CELF2: variants seen among roughly 807,000 people sequenced by gnomAD.
CELF2 encodes CUG triplet repeat RNA-binding protein 2.
CELF2 carries 8 observed loss-of-function variants against 62.6 expected under a neutral mutation model. The ratio of observed to expected loss-of-function variants is 0.13; its 90% CI spans 0.07 to 0.23. The LOEUF (loss-of-function observed/expected upper bound fraction) is 0.23, where lower values mean the gene tolerates loss of function less well. Among genes scored for constraint, CELF2 ranks in the 10% least tolerant of loss-of-function variants. CELF2 has a pLI of 1.00. For missense variants in CELF2, 333 were observed against 671.0 expected, an observed-to-expected ratio of 0.50 and a Z score of 5.56; for synonymous variants, 258 against 250.0, an observed-to-expected ratio of 1.03 and a Z score of -0.30.
the CELF2 span, among the ~76,000 whole-genome samples, chr10:10,504,032 CCT>C: frequency 3.1e-4 from 47 of 152,114 alleles, 1 homozygote; most frequent in South Asian, 8.3e-3. Context: ...TTACAACACC[CCT>C]GTTTATAATG....
chr10:10,951,428 C>T (rs1034406006), intron 2 of CELF2, among the ~76,000 whole-genome samples: 9 of 152,196 alleles, frequency 5.9e-5, no homozygotes, highest in African/African-American at 2.2e-4. Context: ...TGAGTTACTA[C>T]ACCTGGCCCT....
intron 3 of CELF2, among the ~76,000 whole-genome samples, chr10:11,226,094 C>A (rs969335609): frequency 6.6e-6 from 1 of 152,192 alleles, no homozygotes; most frequent in African/African-American, 2.4e-5. Flanking sequence ...GCTTAAGAGG[C>A]CAGCACAGCA....
At chr10:11,299,565 C>T (rs903338802) in intron 9 of CELF2, among the ~76,000 whole-genome samples, 1 of 152,176 alleles carries the variant, frequency 6.6e-6, no homozygotes, top group Non-Finnish European at 1.5e-5. Context: ...TTCAGAGGCC[C>T]GAGCCCGGTC....
At chr10:11,181,677 T>C (rs900787228) in intron 2 of CELF2, among the ~76,000 whole-genome samples, 23 of 152,252 alleles carry the variant, frequency 1.5e-4, no homozygotes, top group Non-Finnish European at 4.4e-5. Context: ...CACAGTACTT[T>C]GTGCCATTCT....
At chr10:10,894,652 A>G (rs2133973970) in intron 1 of CELF2, among the ~76,000 whole-genome samples, 1 of 149,348 alleles carries the variant, frequency 6.7e-6, no homozygotes, top group East Asian at 2.0e-4. Flanking sequence ...AGGATCCACT[A>G]TGATTGACTA....
the CELF2 span, among the ~76,000 whole-genome samples, chr10:10,783,071 A>G: frequency 1.3e-5 from 2 of 152,168 alleles, no homozygotes; most frequent in African/African-American, 2.4e-5. Flanking sequence ...TTTCAGAAAC[A>G]TTAAGAAATT....
chr10:11,187,077 A>G (rs929455042), intron 2 of CELF2, among the ~76,000 whole-genome samples: 14 of 152,328 alleles, frequency 9.2e-5, no homozygotes, highest in African/African-American at 3.1e-4. Context: ...GTGTTCTGCA[A>G]ATCTTCAGTA....
the CELF2 span, among the ~76,000 whole-genome samples, chr10:10,720,172 G>A: frequency 6.6e-6 from 1 of 152,188 alleles, no homozygotes; most frequent in African/African-American, 2.4e-5. Flanking sequence ...AGGACTTACG[G>A]CAGGCAACTC....
Position 11,010,740 on chromosome 10 carries a change from C to T in CELF2, c.53+5300C>T, listed in dbSNP as rs2056318915. ...TTTAAAGACATTTCTTTCTCTGGTG[C>T]TGTGGTTCCACTGTAGACGTTGATT... On this transcript the variant is annotated intron_variant, in intron 1 of 12. Transcript: ENST00000416382. The surrounding 1 kb of genome is among the most constrained non-coding windows in gnomAD (Gnocchi z 4.1). Among the ~76,000 whole-genome samples, 1 of 152,210 alleles carries T rather than the reference C, an allele frequency of 6.6e-6. No individual in the cohort carries two copies. Among genetic ancestry groups the T allele is most frequent in the African/African-American group, 2.4e-5 (1 of 41,438 alleles).
chr10:10,505,690 A>G, the CELF2 span, among the ~76,000 whole-genome samples: 1 of 152,220 alleles, frequency 6.6e-6, no homozygotes, highest in African/African-American at 2.4e-5. Flanking sequence ...CTCTGCTACT[A>G]TGAGTATGAC....
intron 2 of CELF2, among the ~76,000 whole-genome samples, chr10:11,188,440 G>A (rs566049907): frequency 3.3e-5 from 5 of 152,228 alleles, no homozygotes; most frequent in Admixed American, 3.3e-4. Context: ...ATTTCTAGGT[G>A]GACAGGATTT....
At chr10:10,646,898 A>G in the CELF2 span, among the ~76,000 whole-genome samples, 6 of 152,318 alleles carry the variant, frequency 3.9e-5, no homozygotes, top group Middle Eastern at 3.4e-3. Context: ...CCCCACGCTA[A>G]TGATCTCTCC....
intron 1 of CELF2, among the ~76,000 whole-genome samples, chr10:10,823,584 A>AT (rs2057145726): frequency 4.6e-5 from 1 of 21,908 alleles, no homozygotes. Context: ...TCTTATGCAC[A>AT]AAAAAAAATA....
chr10:10,778,218 C>T, the CELF2 span, among the ~76,000 whole-genome samples: 1 of 152,160 alleles, frequency 6.6e-6, no homozygotes, highest in Admixed American at 6.5e-5. Context: ...AGGGATCTTA[C>T]GCAGATTCAA....
chr10:10,716,882 C>A, the CELF2 span, among the ~76,000 whole-genome samples: 1 of 152,144 alleles, frequency 6.6e-6, no homozygotes, highest in Non-Finnish European at 1.5e-5. Flanking sequence ...TTTCATGACC[C>A]AGATGCTTTA....
At position 11,156,307 on chromosome 10, in the gene CELF2, T is replaced by C. The variant is rs949452340; in HGVS notation, c.75-9179T>C. Among the ~76,000 whole-genome samples the C allele has an allele frequency of 6.6e-6, 1 of 152,212 alleles. No individual in the cohort carries two copies. The highest frequency in any genetic ancestry group is 1.5e-5 in the Non-Finnish European group (1 of 68,034). On this transcript the variant is annotated intron_variant, in intron 1 of 12. Coordinates refer to ENST00000633077, the MANE Select transcript of CELF2 (RefSeq NM_001326342.2). The surrounding 1 kb of genome is among the most constrained non-coding windows in gnomAD (Gnocchi z 4.3). ...TAGTGGCGACAGATCACATGACGTGTGATTTAATTTTACTGCTTTGAAGAC... is the reference window on the plus strand; with the variant it reads ...TAGTGGCGACAGATCACATGACGTGCGATTTAATTTTACTGCTTTGAAGAC...
the CELF2 span, among the ~76,000 whole-genome samples, chr10:10,670,420 T>C: frequency 6.6e-6 from 1 of 152,188 alleles, no homozygotes; most frequent in African/African-American, 2.4e-5. Context: ...GTACTTAGAC[T>C]TTTTTGAGAT....
the CELF2 span, among the ~76,000 whole-genome samples, chr10:10,705,528 TCCACC>T: frequency 6.6e-6 from 1 of 152,082 alleles, no homozygotes; most frequent in South Asian, 2.1e-4. Context: ...GTAAAGAAAT[TCCACC>T]TAAAATTATA....
At chr10:11,037,963 G>A (rs1005213598) in intron 1 of CELF2, among the ~76,000 whole-genome samples, 4 of 71,480 alleles carry the variant, frequency 5.6e-5, no homozygotes, top group East Asian at 1.2e-3. Flanking sequence ...TGGGGAAGCC[G>A]AAGTTTATGG....
Sources: allele counts gnomAD v4.1 joint callset (sites outside exome capture counted in the v4.1 genomes callset), GRCh38; gene constraint gnomAD v4.1.1; non-coding constraint Gnocchi (gnomAD v3.1); transcripts MANE v1.5; gene names NCBI Gene and HGNC (gene_info 2026-07-23, HGNC 2026-07-21).